MTR: variants seen among roughly 807,000 people sequenced by gnomAD.
MTR encodes methionine synthase.
MTR carries 84 observed loss-of-function variants against 154.8 expected under a neutral mutation model. That is an observed-to-expected ratio of 0.54 (90% CI 0.45 to 0.65). The LOEUF is 0.65. Ranked by LOEUF, MTR falls within the 30% of genes least tolerant of loss-of-function variation. The probability of loss-of-function intolerance (pLI) is 0.00; values close to 1 mark genes in which losing one functional copy is unlikely to be tolerated. For synonymous variants in MTR, 554 were observed against 553.9 expected (o/e 1.00, Z 0.00); for missense variants, 1,275 against 1,570.2 (o/e 0.81, Z 3.18).
rs1661601512 is a variant in MTR, at chr1:236,816,524, T to G, written c.745T>G (p.Ser249Ala). 1 of 1,614,068 alleles carries G rather than the reference T, an allele frequency of 6.2e-7. No homozygotes were observed. Among genetic ancestry groups the G allele is most frequent in the Non-Finnish European group, 8.5e-7 (1 of 1,179,910 alleles). The stretch of plus-strand genomic sequence containing the variant: ...AGGAGAGGGATTTGTCATCAGCGTG[T>G]CTCATGGAGAACCACTCTGGTGAGT... ...QTGEGFVISVSHGEPLCIGLN... is the reference protein window; with the variant it reads ...QTGEGFVISVAHGEPLCIGLN... The change falls in exon 8 of 33, where the codon TCT becomes GCT. Residue 249 changes from serine (S) to alanine (A), a missense_variant. Coordinates refer to ENST00000366577, the MANE Select transcript of MTR (RefSeq NM_000254.3).
intron 10 of MTR, 132 bp from the exon 11 acceptor site, chr1:236,826,697 A>G: frequency 1.3e-6 from 1 of 743,018 alleles, no homozygotes; most frequent in Non-Finnish European, 2.4e-6. Context: ...ATCTAGAGTT[A>G]AGTATGTTTG....
In MTR at chr1:236,862,338, G is replaced by T; in HGVS notation, c.2299G>T (p.Glu767Ter). The change falls in exon 21 of 33, where the codon GAA (glutamate) becomes TAA (stop). Residue 767 changes from glutamate (E) to a stop codon, truncating the protein, a stop_gained. Coordinates refer to ENST00000366577, the MANE Select transcript of MTR (RefSeq NM_000254.3). LOFTEE classifies it high-confidence loss of function. ...ETRVLNGTVE[E>*]EDPYQGTIVL... ...CAGAGTGCTTAACGGCACAGTAGAA[G>T]AAGAGGCAAGTCATTTTGTTCAGGC... 1.2e-6 allele frequency: 2 copies of T among 1,612,504 alleles called. No individual in the cohort carries two copies. The highest frequency in any genetic ancestry group is 1.7e-6 in the Non-Finnish European group (2 of 1,178,588).
intron 8 of MTR, among the ~76,000 whole-genome samples, chr1:236,820,776 A>C (rs1253699832): frequency 2.6e-5 from 4 of 152,188 alleles, no homozygotes; most frequent in Non-Finnish European, 5.9e-5. Context: ...CCAGCAGTGA[A>C]GGAGAGTTCC....
chr1:236,862,252 G>A lies in MTR; in HGVS notation c.2213G>A (p.Arg738Gln), dbSNP rs776057319. 4.3e-6 allele frequency: 7 copies of A among 1,613,748 alleles called. No individual in the cohort carries two copies. Among genetic ancestry groups the A allele is most frequent in the African/African-American group, 1.3e-5 (1 of 74,892 alleles). Residue 738 changes from arginine (R) to glutamine (Q), a missense_variant, in exon 21 of 33, where the codon CGG becomes CAG. Coordinates refer to ENST00000366577, the MANE Select transcript of MTR (RefSeq NM_000254.3). ...TTTTCTCAGGTTATAAAGTCAGCCC[G>A]GGTTATGAAGAAGGCTGTTGGCCAC... is the stretch of plus-strand genomic sequence containing the variant. ...MFLPQVIKSA[R>Q]VMKKAVGHLI...
chr1:236,862,192 C>A, intron 20 of MTR, 44 bp from the exon 21 acceptor site: 1 of 1,525,844 alleles, frequency 6.6e-7, no homozygotes. Flanking sequence ...AGCAGTTGTT[C>A]CTGTGGTTTG....
At chr1:236,858,588 C>T (rs1444898070) in intron 18 of MTR, among the ~76,000 whole-genome samples, 1 of 152,136 alleles carries the variant, frequency 6.6e-6, no homozygotes, top group African/African-American at 2.4e-5. Context: ...TGGAAGCATC[C>T]TTTTGGCTAC....
chr1:236,859,008 C>T (rs911313405), intron 18 of MTR, among the ~76,000 whole-genome samples: 30 of 152,218 alleles, frequency 2.0e-4, no homozygotes, highest in African/African-American at 6.3e-4. Context: ...GACATATACT[C>T]CCTTTCTTTC....
chr1:236,854,995 A>G (rs1410092278), intron 18 of MTR, among the ~76,000 whole-genome samples: 3 of 152,166 alleles, frequency 2.0e-5, no homozygotes, highest in African/African-American at 7.2e-5. Context: ...TCTGTCAGGG[A>G]GACTGTCTGC....
intron 8 of MTR, among the ~76,000 whole-genome samples, chr1:236,817,956 A>AC: frequency 6.6e-6 from 1 of 152,162 alleles, no homozygotes; most frequent in African/African-American, 2.4e-5. Flanking sequence ...CTTGGCACAT[A>AC]GTAGGGATGT....
chr1:236,818,057 CTG>C (rs1477861801), intron 8 of MTR, among the ~76,000 whole-genome samples: 4 of 152,190 alleles, frequency 2.6e-5, no homozygotes, highest in Admixed American at 6.5e-5. Flanking sequence ...TTGTGCCTAT[CTG>C]TGAGTATTTG....
chr1:236,891,453 A>G, intron 29 of MTR, 124 bp downstream of exon 29: 4 of 1,021,240 alleles, frequency 3.9e-6, no homozygotes, highest in Non-Finnish European at 6.0e-6. Context: ...CACATGCCCA[A>G]GAAGTGACCA....
intron 22 of MTR, among the ~76,000 whole-genome samples, chr1:236,872,313 C>G (rs1325616222): frequency 1.3e-5 from 2 of 152,126 alleles, no homozygotes; most frequent in African/African-American, 4.8e-5. Context: ...CTCCTGTGTG[C>G]CCATCTAGAG....
intron 1 of MTR, among the ~76,000 whole-genome samples, chr1:236,798,048 G>A (rs1280834300): frequency 2.0e-5 from 3 of 151,978 alleles, no homozygotes; most frequent in African/African-American, 7.3e-5. Context: ...AAAAATGAAA[G>A]AGAGAAGTAT....
chr1:236,819,894 G>A (rs565709675), intron 8 of MTR: 192 of 901,116 alleles, frequency 2.1e-4, no homozygotes, highest in Middle Eastern at 1.9e-3. Flanking sequence ...CCAGAGGGCC[G>A]TGCTGAAGTT....
At chr1:236,884,885 T>G (rs1452612479) in intron 25 of MTR, among the ~76,000 whole-genome samples, 6 of 151,892 alleles carry the variant, frequency 4.0e-5, no homozygotes, top group Admixed American at 2.6e-4. Flanking sequence ...GGGTTTAGAG[T>G]TTGTCTCCCA....
intron 14 of MTR, among the ~76,000 whole-genome samples, chr1:236,836,409 A>T (rs965437211): frequency 3.3e-5 from 5 of 152,032 alleles, no homozygotes; most frequent in African/African-American, 4.8e-5. Flanking sequence ...TTTAAAAAAA[A>T]TTTTTAGTAG....
intron 1 of MTR, among the ~76,000 whole-genome samples, chr1:236,801,923 C>T (rs1398185171): frequency 6.6e-6 from 1 of 152,172 alleles, no homozygotes; most frequent in Non-Finnish European, 1.5e-5. Flanking sequence ...TGGTGGTGAT[C>T]TCTTACCTTT....
At chr1:236,798,551 A>C (rs1271223221) in intron 1 of MTR, among the ~76,000 whole-genome samples, 1 of 152,224 alleles carries the variant, frequency 6.6e-6, no homozygotes, top group Non-Finnish European at 1.5e-5. Context: ...ATACTGTGTG[A>C]TCTCTTAGGC....
chr1:236,882,835 G>A (rs1316178297), intron 25 of MTR, among the ~76,000 whole-genome samples: 1 of 152,198 alleles, frequency 6.6e-6, no homozygotes, highest in African/African-American at 2.4e-5. Context: ...ACAAAGAAAC[G>A]ACCACATTTT....
Sources: gnomAD v4.1 joint callset for allele counts (sites outside exome capture counted in the v4.1 genomes callset) on GRCh38, gnomAD v4.1.1 for gene constraint, MANE v1.5 for transcripts, NCBI Gene and HGNC (gene_info 2026-07-23, HGNC 2026-07-21) for gene names.